IPO11: variants seen among roughly 807,000 people sequenced by gnomAD.
IPO11 encodes the protein importin 11, also known as importin-11.
Under a neutral mutation model 143.2 loss-of-function variants are expected in IPO11, and 66 were observed. The ratio of observed to expected loss-of-function variants is 0.46; its 90% CI spans 0.38 to 0.57. The LOEUF (loss-of-function observed/expected upper bound fraction) is 0.57. Among genes scored for constraint, IPO11 ranks in the 20% least tolerant of loss-of-function variants. The pLI, the probability that IPO11 is intolerant of heterozygous loss-of-function variation, is 0.00. For synonymous variants in IPO11, 385 were observed against 377.8 expected (o/e 1.02, Z -0.22); for missense variants, 1,026 against 1,141.0 (o/e 0.90, Z 1.45).
intron 1 of IPO11, among the ~76,000 whole-genome samples, chr5:62,435,874 CA>C (rs1387700515): frequency 1.3e-5 from 2 of 151,768 alleles, no homozygotes; most frequent in African/African-American, 4.8e-5. Context: ...ACTAAAAATA[CA>C]AAAATTAGCT....
At chr5:62,520,377 T>C (rs1446092034) in intron 20 of IPO11, among the ~76,000 whole-genome samples, 3 of 139,260 alleles carry the variant, frequency 2.2e-5, no homozygotes, top group African/African-American at 9.3e-5. Context: ...TACGACAGAT[T>C]TTTTTTTTTT....
At chr5:62,540,528 T>C (rs752880613) in intron 24 of IPO11, among the ~76,000 whole-genome samples, 3 of 152,256 alleles carry the variant, frequency 2.0e-5, no homozygotes, top group Non-Finnish European at 4.4e-5. Context: ...GGAATGGCCA[T>C]TGTGATTCTA....
intron 6 of IPO11, among the ~76,000 whole-genome samples, chr5:62,468,639 G>T (rs546751148): frequency 2.0e-5 from 3 of 152,288 alleles, no homozygotes; most frequent in African/African-American, 7.2e-5. Context: ...TAATGATTAA[G>T]AAATTTTCAA....
chr5:62,599,777 T>A (rs1179439512), intron 28 of IPO11, among the ~76,000 whole-genome samples: 1 of 152,198 alleles, frequency 6.6e-6, no homozygotes, highest in Admixed American at 6.5e-5. Flanking sequence ...GTATAACTAT[T>A]ACTGCATGCA....
intron 21 of IPO11, 93 bp downstream of exon 21, chr5:62,526,350 T>A: frequency 1.2e-6 from 1 of 811,902 alleles, no homozygotes; most frequent in Non-Finnish European, 2.0e-6. Context: ...AATAGGGCTT[T>A]AAAAACAGAA....
chr5:62,493,394 A>G (rs1457070680), intron 15 of IPO11, among the ~76,000 whole-genome samples: 1 of 152,142 alleles, frequency 6.6e-6, no homozygotes, highest in African/African-American at 2.4e-5. Flanking sequence ...GCTAAAACCA[A>G]ATGGATTTGG....
At chr5:62,450,660 A>AT (rs1260241406) in intron 4 of IPO11, among the ~76,000 whole-genome samples, 2 of 95,326 alleles carry the variant, frequency 2.1e-5, no homozygotes, top group Non-Finnish European at 4.5e-5. Context: ...CTTCCCCACC[A>AT]TTTAAAAAAA....
At chr5:62,435,180 GTATATATATGTA>G (rs1744164537) in intron 1 of IPO11, among the ~76,000 whole-genome samples, 1 of 92,752 alleles carries the variant, frequency 1.1e-5, no homozygotes, top group Admixed American at 1.2e-4. Context: ...ATGTATATAT[GTATATATATGTA>G]TATATATGTA....
intron 2 of IPO11, among the ~76,000 whole-genome samples, chr5:62,438,831 G>C (rs777817902): frequency 6.6e-6 from 1 of 151,944 alleles, no homozygotes; most frequent in African/African-American, 2.4e-5. Context: ...AGGCCAAGGC[G>C]GGCGAATCAC....
chr5:62,471,145 T>TG lies in IPO11; in HGVS notation c.708+837_708+838insG, dbSNP rs1745761156. On this transcript the variant is annotated intron_variant, in intron 7 of 29. Coordinates refer to ENST00000325324, the MANE Select transcript of IPO11 (RefSeq NM_016338.5). Reference sequence around the variant, plus strand: ...GGCCTAGTTGCATTTCTTTTTTTTTTTTTTAAAATAAATGAAATGGCATTT... The same window carrying TG: ...GGCCTAGTTGCATTTCTTTTTTTTTTGTTTTAAAATAAATGAAATGGCATTT... Among the ~76,000 whole-genome samples the TG allele has an allele frequency of 2.0e-5, 3 of 151,682 alleles. No homozygotes were observed. The South Asian group carries it at 6.3e-4, about 32-fold the overall frequency.
chr5:62,425,701 A>G (rs1580162063), intron 1 of IPO11, among the ~76,000 whole-genome samples: 2 of 152,358 alleles, frequency 1.3e-5, no homozygotes, highest in East Asian at 1.9e-4. Flanking sequence ...TGATGTGGGA[A>G]CTGGTATGGA....
At chr5:62,454,896 A>G (rs1745071531) in intron 5 of IPO11, among the ~76,000 whole-genome samples, 1 of 152,214 alleles carries the variant, frequency 6.6e-6, no homozygotes, top group Non-Finnish European at 1.5e-5. Flanking sequence ...GATATAGGGC[A>G]AAACTTCCAA....
chr5:62,558,409 T>A (rs920589366), intron 26 of IPO11, among the ~76,000 whole-genome samples: 3 of 152,206 alleles, frequency 2.0e-5, no homozygotes, highest in African/African-American at 7.2e-5. Context: ...TTAGTATTTA[T>A]TCCTGGAATA....
intron 16 of IPO11, among the ~76,000 whole-genome samples, chr5:62,502,392 C>A (rs1228986095): frequency 6.6e-6 from 1 of 152,160 alleles, no homozygotes. Flanking sequence ...CAAATTCATT[C>A]CATTTCTTTG....
chr5:62,608,590 C>T (rs1202636730), intron 29 of IPO11, among the ~76,000 whole-genome samples: 1 of 152,216 alleles, frequency 6.6e-6, no homozygotes, highest in Non-Finnish European at 1.5e-5. Flanking sequence ...CTATTACATG[C>T]TAGTCCTCCA....
intron 18 of IPO11, among the ~76,000 whole-genome samples, chr5:62,505,725 T>G (rs1450930257): frequency 1.3e-5 from 2 of 152,090 alleles, no homozygotes; most frequent in African/African-American, 4.8e-5. Flanking sequence ...TAATAAGAAC[T>G]ATTCTGCCAT....
In IPO11 at chr5:62,578,429, C is replaced by CA. The variant is rs1180287149; in HGVS notation, c.2583-13142dup. On this transcript the variant is annotated intron_variant, in intron 27 of 29. Transcript: ENST00000325324. ...AATATTTTATTCATTAAAAAGTTTACAAAAAATTGTATTACTCGATATACA... is the reference window on the plus strand; with the variant it reads ...AATATTTTATTCATTAAAAAGTTTACAAAAAAATTGTATTACTCGATATACA... Among the ~76,000 whole-genome samples the CA allele has an allele frequency of 3.3e-5, 5 of 151,886 alleles. No homozygotes were observed. The East Asian group carries it at 9.6e-4, about 29-fold the overall frequency.
chr5:62,591,577 T>C lies in IPO11; in HGVS notation c.2583T>C (p.Ser861=), dbSNP rs1745013926. Residue 861 remains serine, a splice_region_variant and synonymous_variant, in exon 28 of 30, where the codon AGT becomes AGC. Coordinates refer to ENST00000325324, the MANE Select transcript of IPO11 (RefSeq NM_016338.5). ...ALLSLLPSDN[S]VIQDKFCGII... is the part of the protein sequence containing the mutation. Reference sequence around the variant, plus strand: ...CTGTTTTGCTTTTCTTTTATTCTAGTGTTATCCAAGATAAATTCTGTGGGA... The same window carrying C: ...CTGTTTTGCTTTTCTTTTATTCTAGCGTTATCCAAGATAAATTCTGTGGGA... 1.3e-6 allele frequency: 2 copies of C among 1,579,126 alleles called. No individual in the cohort carries two copies. The highest frequency in any genetic ancestry group is 2.3e-5 in the East Asian group (1 of 43,940).
intron 7 of IPO11, among the ~76,000 whole-genome samples, chr5:62,473,422 TGA>T (rs926303809): frequency 5.3e-5 from 8 of 152,164 alleles, no homozygotes; most frequent in African/African-American, 1.9e-4. Flanking sequence ...GGATGGATAT[TGA>T]GAGTCTGAGA....
Sources: gnomAD v4.1 joint callset for allele counts (sites outside exome capture counted in the v4.1 genomes callset) on GRCh38, gnomAD v4.1.1 for gene constraint, MANE v1.5 for transcripts, NCBI Gene and HGNC (gene_info 2026-07-23, HGNC 2026-07-21) for gene names.